The following PNMT variants were observed in gnomAD, a reference collection of about 807,000 sequenced individuals.
PNMT encodes the protein noradrenaline N-methyltransferase.
PNMT carries 18 observed loss-of-function variants against 18.9 expected under a neutral mutation model. The observed-to-expected ratio is 0.95, with a 90% CI of 0.66 to 1.41. PNMT has a LOEUF of 1.41. Among genes scored for constraint, PNMT ranks in the 40% most tolerant of loss-of-function variants. The pLI, the probability that PNMT is intolerant of heterozygous loss-of-function variation, is 0.00. For missense variants in PNMT, 378 were observed against 387.0 expected (o/e 0.98, Z 0.20); for synonymous variants, 167 against 168.6 (o/e 0.99, Z 0.08).
Position 39,670,048 on chromosome 17 carries a change from C to G in PNMT, c.508C>G (p.Pro170Ala), listed in dbSNP as rs1244575974. 6.2e-7 allele frequency: 1 copy of G among 1,606,930 alleles called. No homozygotes were observed. Among genetic ancestry groups the G allele is most frequent in the Admixed American group, 1.7e-5 (1 of 60,016 alleles). Residue 170 changes from proline to alanine, a missense_variant, in exon 3 of 3, where the codon CCA becomes GCA. Pro to Ala is a conservative substitution (Grantham distance 27, BLOSUM62 -1). Coordinates refer to ENST00000269582, the MANE Select transcript of PNMT (RefSeq NM_002686.4). ...GCCCCAGCCCCTGGGTGCTGGGAGC[C>G]CAGCTCCCCTGCCTGCTGACGCCCT... Reference protein sequence around the residue: ...HQPQPLGAGSPAPLPADALVS... With the variant: ...HQPQPLGAGSAAPLPADALVS...
rs1567867360 is a variant in PNMT, at chr17:39,669,993, G to A, written c.453G>A (p.Val151=). Residue 151 remains valine, a synonymous_variant, in exon 3 of 3, where the codon GTG becomes GTA. Transcript: ENST00000269582. ...AGGAGCGCCAGCTGCGAGCCAGGGT[G>A]AAACGGGTCCTGCCCATCGACGTGC... The part of the protein sequence containing the change: ...QDKERQLRAR[V]KRVLPIDVHQ... 6.2e-7 allele frequency: 1 copy of A among 1,603,906 alleles called. No homozygotes were observed. The highest frequency in any genetic ancestry group is 8.5e-7 in the Non-Finnish European group (1 of 1,178,820).
In PNMT at chr17:39,669,699, C is replaced by A; in HGVS notation, c.273C>A (p.Cys91Ter). 1 of 1,614,152 alleles carries A rather than the reference C, an allele frequency of 6.2e-7. No homozygotes were observed. The highest frequency in any genetic ancestry group is 1.1e-5 in the South Asian group (1 of 91,088). Residue 91 changes from cysteine (C) to a stop codon, truncating the protein, a stop_gained, in exon 2 of 3, where the codon TGC (cysteine) becomes TGA (stop). Coordinates refer to ENST00000269582, the MANE Select transcript of PNMT (RefSeq NM_002686.4). LOFTEE classifies it high-confidence loss of function. ...GPTVYQLLSA[C>*]SHFEDITMTD... ...CCGTGTACCAGCTGCTCAGTGCCTG[C>A]AGCCACTTTGAGGACATCACCATGA...
Position 39,670,160 on chromosome 17 carries a change from C to G in PNMT, c.620C>G (p.Pro207Arg). ...ALDHITTLLR[P>R]GGHLLLIGAL... is the part of the protein sequence containing the mutation. Reference sequence around the variant, plus strand: ...GACCACATCACCACGCTGCTGAGGCCTGGGGGGCACCTCCTCCTCATCGGG... The same window carrying G: ...GACCACATCACCACGCTGCTGAGGCGTGGGGGGCACCTCCTCCTCATCGGG... Residue 207 changes from proline (P) to arginine (R), a missense_variant, in exon 3 of 3, where the codon CCT becomes CGT. Physicochemically the swap from Pro to Arg is moderately radical, Grantham distance 103. Coordinates refer to ENST00000269582, the MANE Select transcript of PNMT (RefSeq NM_002686.4). The G allele has an allele frequency of 6.2e-7, 1 of 1,612,148 alleles. No individual in the cohort carries two copies. Among genetic ancestry groups the G allele is most frequent in the Non-Finnish European group, 8.5e-7 (1 of 1,179,922 alleles).
chr17:39,670,466 A>G lies in PNMT; in HGVS notation c.*77A>G. 1 of 1,145,236 alleles carries G rather than the reference A, an allele frequency of 8.7e-7. No homozygotes were observed. The highest frequency in any genetic ancestry group is 1.2e-6 in the Non-Finnish European group (1 of 824,726). The allele number at this position is 1,145,236 out of a possible 1,614,324, so 70.9% of individuals were successfully genotyped here. On this transcript the variant is annotated 3_prime_UTR_variant, in exon 3 of 3. Transcript: ENST00000269582. ...TGAAGTGGCACCTAATAAAGAAATA[A>G]TACCCTGCCGCTGCGGTCAGTGCTG...
In PNMT at chr17:39,670,185, G is replaced by T. The variant is rs1253971897; in HGVS notation, c.645G>T (p.Gly215=). 1.2e-6 allele frequency: 2 copies of T among 1,612,168 alleles called. No individual in the cohort carries two copies. The highest frequency in any genetic ancestry group is 2.2e-5 in the South Asian group (2 of 90,940). The change falls in exon 3 of 3, where the codon GGG becomes GGT. Residue 215 remains glycine (G), a synonymous_variant. Coordinates refer to ENST00000269582, the MANE Select transcript of PNMT (RefSeq NM_002686.4). The part of the protein sequence containing the change: ...LRPGGHLLLI[G]ALEESWYLAG... ...CTGGGGGGCACCTCCTCCTCATCGG[G>T]GCCCTGGAGGAGTCGTGGTACCTGG...
chr17:39,668,650 C>T lies in PNMT; in HGVS notation c.175C>T (p.Arg59Cys), dbSNP rs1386747025. 1 of 1,591,708 alleles carries T rather than the reference C, an allele frequency of 6.3e-7. No homozygotes were observed. Residue 59 changes from arginine to cysteine, a missense_variant, in exon 1 of 3, where the codon CGC becomes TGC. Arg to Cys is a radical substitution (Grantham distance 180, BLOSUM62 -3). Coordinates refer to ENST00000269582, the MANE Select transcript of PNMT (RefSeq NM_002686.4). ...NPNGVGPWKL[R>C]CLAQTFATGE... ...GAACGGCGTCGGGCCGTGGAAGCTG[C>T]GCTGCTTGGCGCAGACCTTCGCCAC...
chr17:39,669,913 A>G (rs1178018279), intron 2 of PNMT, 38 bp from the exon 3 acceptor site: 1 of 1,592,332 alleles, frequency 6.3e-7, no homozygotes, highest in Non-Finnish European at 8.6e-7. Flanking sequence ...GCCTGAGCGT[A>G]GAACAGCCTT....
In PNMT at chr17:39,669,845, T is replaced by G; in HGVS notation, c.410+9T>G. On this transcript the variant is annotated intron_variant, in intron 2 of 2. Coordinates refer to ENST00000269582, the MANE Select transcript of PNMT (RefSeq NM_002686.4). Reference sequence around the variant, plus strand: ...CTCATTGAGGGCAAGGGGTAAGGACTGGGGGGTGAGGGTTGGGGAGGAGGC... The same window carrying G: ...CTCATTGAGGGCAAGGGGTAAGGACGGGGGGGTGAGGGTTGGGGAGGAGGC... The G allele has an allele frequency of 6.2e-7, 1 of 1,609,762 alleles. No homozygotes were observed.
At position 39,670,456 on chromosome 17, in the gene PNMT, TAAAGA is replaced by T; in HGVS notation, c.*70_*74del. ...CCCTGTTCTTTGAAGTGGCACCTAA[TAAAGA>T]AATAATACCCTGCCGCTGCGGTCAG... On this transcript the variant is annotated 3_prime_UTR_variant, in exon 3 of 3. Coordinates refer to ENST00000269582, the MANE Select transcript of PNMT (RefSeq NM_002686.4). 8.1e-7 allele frequency: 1 copy of T among 1,231,572 alleles called. No individual in the cohort carries two copies. The highest frequency in any genetic ancestry group is 1.1e-6 in the Non-Finnish European group (1 of 899,438). The allele number at this position is 1,231,572 out of a possible 1,614,324, so 76.3% of individuals were successfully genotyped here. A position where few individuals can be genotyped will look rare whatever the true frequency, so the allele number is the denominator to read the frequency against.
chr17:39,670,092 G>T lies in PNMT; in HGVS notation c.552G>T (p.Leu184Phe). ...PADALVSAFC[L>F]EAVSPDLASF... ...ACGCCCTGGTCTCTGCCTTCTGCTT[G>T]GAGGCTGTGAGCCCAGATCTTGCCA... The change falls in exon 3 of 3, where the codon TTG becomes TTT. Residue 184 changes from leucine to phenylalanine, a missense_variant. Coordinates refer to ENST00000269582, the MANE Select transcript of PNMT (RefSeq NM_002686.4). 1 of 1,609,678 alleles carries T rather than the reference G, an allele frequency of 6.2e-7. No individual in the cohort carries two copies.
Position 39,669,734 on chromosome 17 carries a change from T to C in PNMT, c.308T>C (p.Leu103Pro). The change falls in exon 2 of 3, where the codon CTG (leucine) becomes CCG (proline). Residue 103 changes from leucine to proline, a missense_variant. Coordinates refer to ENST00000269582, the MANE Select transcript of PNMT (RefSeq NM_002686.4). ...GAGGACATCACCATGACAGATTTCC[T>C]GGAGGTCAACCGCCAGGAGCTGGGG... ...HFEDITMTDF[L>P]EVNRQELGRW... is the part of the protein sequence containing the mutation. 1 of 1,614,080 alleles carries C rather than the reference T, an allele frequency of 6.2e-7. No homozygotes were observed. The highest frequency in any genetic ancestry group is 1.7e-5 in the Admixed American group (1 of 60,024).
upstream of PNMT, chr17:39,668,191 G>T: frequency 2.7e-6 from 1 of 370,952 alleles, no homozygotes; most frequent in South Asian, 9.2e-5. Flanking sequence ...GCGGGACTCG[G>T]GGCGGGGCAG....
rs34341496 is a variant in PNMT at position 39,670,063 on chromosome 17, G to A, written c.523G>A (p.Ala175Thr). 7,707 of 1,607,906 alleles carry A rather than the reference G, an allele frequency of 4.8e-3. 23 individuals carry two copies. Among genetic ancestry groups the A allele is most frequent in the Non-Finnish European group, 5.5e-3 (6,454 of 1,179,962 alleles). The change falls in exon 3 of 3, where the codon GCT becomes ACT. Residue 175 changes from alanine to threonine, a missense_variant. By Grantham distance (58) the Ala-to-Thr change is moderately conservative. Transcript: ENST00000269582. ...TGCTGGGAGCCCAGCTCCCCTGCCT[G>A]CTGACGCCCTGGTCTCTGCCTTCTG... ...LGAGSPAPLP[A>T]DALVSAFCLE...
In PNMT at chr17:39,669,654, C is replaced by T. The variant is rs766530928; in HGVS notation, c.228C>T (p.Ile76=). The change falls in exon 2 of 3, where the codon ATC becomes ATT. Residue 76 remains isoleucine (I), a synonymous_variant. Coordinates refer to ENST00000269582, the MANE Select transcript of PNMT (RefSeq NM_002686.4). ...ATGEVSGRTL[I]DIGSGPTVYQ... is the part of the protein sequence containing the mutation. ...GTGAAGTGTCCGGACGCACCCTCAT[C>T]GACATTGGTTCAGGCCCCACCGTGT... The T allele has an allele frequency of 6.2e-6, 10 of 1,613,908 alleles. No individual in the cohort carries two copies. In the East Asian group the frequency reaches 1.6e-4, roughly 25 times the overall value.
In PNMT at chr17:39,670,376, A is replaced by C. The variant is rs757480097; in HGVS notation, c.836A>C (p.Lys279Thr). 12 of 1,583,534 alleles carry C rather than the reference A, an allele frequency of 7.6e-6. No homozygotes were observed. The highest frequency in any genetic ancestry group is 1.0e-5 in the Non-Finnish European group (12 of 1,162,624). ...GGCGTCTTCTTCGCCTGGGCTCAGA[A>C]GGTTGGGCTGTGAGGGCTGTACCTG... ...VKGVFFAWAQ[K>T]VGL The change falls in exon 3 of 3, where the codon AAG becomes ACG. Residue 279 changes from lysine (K) to threonine (T), a missense_variant. Lys to Thr is a moderately conservative substitution (Grantham distance 78). Transcript: ENST00000269582.
chr17:39,669,439 G>A (rs574611632), intron 1 of PNMT, among the ~76,000 whole-genome samples, 190 bp from the exon 2 acceptor site: 170 of 152,204 alleles, frequency 1.1e-3, no homozygotes, highest in Admixed American at 2.0e-3. Flanking sequence ...GTTCCCTTCC[G>A]AAGGGCAGCC....
In PNMT at chr17:39,669,663, T is replaced by G; in HGVS notation, c.237T>G (p.Gly79=). Residue 79 remains glycine (G), a synonymous_variant, in exon 2 of 3, where the codon GGT becomes GGG. Coordinates refer to ENST00000269582, the MANE Select transcript of PNMT (RefSeq NM_002686.4). ...CCGGACGCACCCTCATCGACATTGG[T>G]TCAGGCCCCACCGTGTACCAGCTGC... ...EVSGRTLIDI[G]SGPTVYQLLS... is the part of the protein sequence containing the mutation. 6.2e-7 allele frequency: 1 copy of G among 1,613,868 alleles called. No individual in the cohort carries two copies.
At position 39,669,835 on chromosome 17, in the gene PNMT, G is replaced by A; in HGVS notation, c.409G>A (p.Gly137Arg). 6.2e-7 allele frequency: 1 copy of A among 1,613,274 alleles called. No homozygotes were observed. Among genetic ancestry groups the A allele is most frequent in the East Asian group, 2.2e-5 (1 of 44,868 alleles). ...SQHACLIEGK[G>R]ECWQDKERQL... ...ACATGCCTGCCTCATTGAGGGCAAG[G>A]GGTAAGGACTGGGGGGTGAGGGTTG... Residue 137 changes from glycine to arginine, a missense_variant and splice_region_variant, in exon 2 of 3, where the codon GGG becomes AGG. Gly to Arg is a moderately radical substitution (Grantham distance 125). Coordinates refer to ENST00000269582, the MANE Select transcript of PNMT (RefSeq NM_002686.4).
rs141839081 is a variant in PNMT, at chr17:39,670,145, C to T, written c.605C>T (p.Thr202Ile). 2 of 1,611,874 alleles carry T rather than the reference C, an allele frequency of 1.2e-6. No individual in the cohort carries two copies. The highest frequency in any genetic ancestry group is 1.7e-5 in the Admixed American group (1 of 60,008). ...TTTCAGCGGGCCCTGGACCACATCA[C>T]CACGCTGCTGAGGCCTGGGGGGCAC... is the stretch of plus-strand genomic sequence containing the variant. Reference protein sequence around the residue: ...ASFQRALDHITTLLRPGGHLL... With the variant: ...ASFQRALDHIITLLRPGGHLL... The change falls in exon 3 of 3, where the codon ACC becomes ATC. Residue 202 changes from threonine (T) to isoleucine (I), a missense_variant. Physicochemically the swap from Thr to Ile is moderately conservative, Grantham distance 89. Transcript: ENST00000269582.
Sources: gnomAD v4.1 joint callset for allele counts (sites outside exome capture counted in the v4.1 genomes callset) on GRCh38, gnomAD v4.1.1 for gene constraint, MANE v1.5 for transcripts, NCBI Gene and HGNC (gene_info 2026-07-23, HGNC 2026-07-21) for gene names.